The following FAT3 variants were observed in gnomAD, a reference collection of about 807,000 sequenced individuals.
FAT3 encodes the protein protocadherin Fat 3.
In FAT3, 95 loss-of-function variants were observed where a neutral mutation model predicts 310.2. The ratio of observed to expected loss-of-function variants is 0.31; its 90% CI spans 0.26 to 0.36. The LOEUF (loss-of-function observed/expected upper bound fraction) is 0.36, where lower values mean the gene tolerates loss of function less well. FAT3 is among the 10% of genes least tolerant of loss of function. FAT3 has a pLI of 1.00. For synonymous variants in FAT3, 2,314 were observed against 2,192.9 expected (o/e 1.06, Z -1.54); for missense variants, 5,408 against 5,715.6 (o/e 0.95, Z 1.74).
At chr11:92,816,359 G>C (rs1218226445) in intron 13 of FAT3, among the ~76,000 whole-genome samples, 1 of 152,136 alleles carries the variant, frequency 6.6e-6, no homozygotes, top group East Asian at 1.9e-4. Flanking sequence ...CTGACCTTTG[G>C]CTTCCAAGGT....
At chr11:92,277,525 A>AT (rs1239483324) in intron 1 of FAT3, among the ~76,000 whole-genome samples, 3 of 152,208 alleles carry the variant, frequency 2.0e-5, no homozygotes, top group Admixed American at 2.0e-4. Context: ...CTACACAGTT[A>AT]TAAAAAAGAA....
At chr11:92,813,599 C>T (rs1328145926) in intron 13 of FAT3, among the ~76,000 whole-genome samples, 1 of 152,184 alleles carries the variant, frequency 6.6e-6, no homozygotes, top group East Asian at 1.9e-4. Context: ...ATCCCTAACC[C>T]CTGACAACCA....
intron 8 of FAT3, 55 bp from the exon 9 acceptor site, chr11:92,792,712 G>A: frequency 1.3e-6 from 2 of 1,547,516 alleles, no homozygotes; most frequent in Non-Finnish European, 1.8e-6. Context: ...ATAGCCATGT[G>A]AGTTCTTTGC....
intron 2 of FAT3, among the ~76,000 whole-genome samples, chr11:92,411,161 A>AT (rs1555037830): frequency 2.8e-5 from 4 of 142,808 alleles, no homozygotes; most frequent in Non-Finnish European, 6.0e-5. Context: ...ATATATATAT[A>AT]ATATATATAT....
chr11:92,882,583 CCT>C (rs1370026918), intron 23 of FAT3, among the ~76,000 whole-genome samples, 153 bp from the exon 24 acceptor site: 5,042 of 103,932 alleles, frequency 0.049, 132 homozygotes, highest in East Asian at 0.11. Context: ...ATTAACTCCC[CCT>C]CCCCCCCCCC....
intron 13 of FAT3, among the ~76,000 whole-genome samples, chr11:92,829,837 T>C (rs1948196088): frequency 6.6e-6 from 1 of 152,228 alleles, no homozygotes; most frequent in African/African-American, 2.4e-5. Flanking sequence ...GAACAGGCTC[T>C]CAGTGTTGAC....
intron 1 of FAT3, among the ~76,000 whole-genome samples, chr11:92,303,800 C>T (rs903847843): frequency 1.3e-5 from 2 of 152,070 alleles, no homozygotes; most frequent in African/African-American, 4.8e-5. Flanking sequence ...CGCCTCACCA[C>T]CTGATCATTT....
intron 3 of FAT3, among the ~76,000 whole-genome samples, chr11:92,684,628 A>T (rs1356225851): frequency 6.6e-6 from 1 of 152,182 alleles, no homozygotes; most frequent in African/African-American, 2.4e-5. Context: ...CTACTTAGTG[A>T]TGTAACACTC....
chr11:92,315,512 T>TATATATAGAGAGAG (rs1353970811), intron 1 of FAT3, among the ~76,000 whole-genome samples: 13 of 56,168 alleles, frequency 2.3e-4, no homozygotes, highest in African/African-American at 2.6e-4. Flanking sequence ...TATATATATA[T>TATATATAGAGAGAG]AGAGAGAGAG....
intron 4 of FAT3, among the ~76,000 whole-genome samples, chr11:92,757,751 A>C (rs186640382): frequency 6.6e-6 from 1 of 152,200 alleles, no homozygotes; most frequent in Admixed American, 6.5e-5. Flanking sequence ...TCCAGAGGAC[A>C]CTAGGTTTCA....
intron 21 of FAT3, among the ~76,000 whole-genome samples, chr11:92,865,195 A>C (rs1259856439): frequency 6.6e-6 from 1 of 152,252 alleles, no homozygotes; most frequent in Admixed American, 6.5e-5. Context: ...AGGATGAAGA[A>C]CATGGAGCTA....
chr11:92,422,362 G>T (rs1171163550), intron 2 of FAT3, among the ~76,000 whole-genome samples: 1 of 152,154 alleles, frequency 6.6e-6, no homozygotes, highest in East Asian at 1.9e-4. Context: ...ATACTTCGCT[G>T]AGCCTCCTTC....
chr11:92,315,782 A>G (rs1393788351), intron 1 of FAT3, among the ~76,000 whole-genome samples: 1 of 151,898 alleles, frequency 6.6e-6, no homozygotes, highest in Admixed American at 6.6e-5. Context: ...TTGGCCTCCC[A>G]AAGTGCCAGG....
chr11:92,394,398 G>A (rs960466248), intron 2 of FAT3, among the ~76,000 whole-genome samples: 3 of 152,098 alleles, frequency 2.0e-5, no homozygotes, highest in Non-Finnish European at 4.4e-5. Flanking sequence ...GCAGAGAGCC[G>A]AGATTGTGCC....
intron 2 of FAT3, among the ~76,000 whole-genome samples, chr11:92,477,324 A>G (rs1952075682): frequency 6.6e-6 from 1 of 152,226 alleles, no homozygotes; most frequent in South Asian, 2.1e-4. Context: ...TGTAGGTGGC[A>G]AACAGGGCAT....
chr11:92,360,635 GTTAA>G (rs1464125127), intron 2 of FAT3, among the ~76,000 whole-genome samples: 1 of 152,102 alleles, frequency 6.6e-6, no homozygotes, highest in Non-Finnish European at 1.5e-5. Context: ...TATTTATCTG[GTTAA>G]TTAAAGAAAT....
chr11:92,529,617 A>G (rs759927121), intron 3 of FAT3, among the ~76,000 whole-genome samples: 2 of 152,130 alleles, frequency 1.3e-5, no homozygotes, highest in Non-Finnish European at 2.9e-5. Context: ...TTTTAAAGGG[A>G]AAAACACATA....
At chr11:92,248,432 T>C (rs1395825954) in intron 1 of FAT3, among the ~76,000 whole-genome samples, 1 of 152,052 alleles carries the variant, frequency 6.6e-6, no homozygotes, top group Non-Finnish European at 1.5e-5. Context: ...CGAAAGGTAA[T>C]GGATGTTGGA....
rs138663726 is a variant in FAT3, at chr11:92,831,214, C to A, written c.9482-408C>A. On this transcript the variant is annotated intron_variant, in intron 13 of 27. Coordinates refer to ENST00000525166, the MANE Select transcript of FAT3 (RefSeq NM_001367949.2). ...CTTGCCCATTGCTAGACCCTCAAGC[C>A]CCTAGAAAGTGCCTGGTAGATTCTA... Among the ~76,000 whole-genome samples, 1,098 of 152,214 alleles carry A rather than the reference C, an allele frequency of 7.2e-3. 11 individuals are homozygous for A. The highest frequency in any genetic ancestry group is 0.026 in the African/African-American group (1,068 of 41,538).
Sources: allele counts gnomAD v4.1 joint callset (sites outside exome capture counted in the v4.1 genomes callset), GRCh38; gene constraint gnomAD v4.1.1; transcripts MANE v1.5; gene names NCBI Gene and HGNC (gene_info 2026-07-23, HGNC 2026-07-21).